The following DENND5B variants were observed in gnomAD, a reference collection of about 807,000 sequenced individuals.
DENND5B encodes the protein DENN domain containing 5B.
A neutral mutation model predicts 140.6 loss-of-function variants in DENND5B; 34 were observed. That is an observed-to-expected ratio of 0.24 (90% CI 0.18 to 0.32). The LOEUF (loss-of-function observed/expected upper bound fraction) is 0.32, where lower values mean the gene tolerates loss of function less well. Among genes scored for constraint, DENND5B ranks in the 10% least tolerant of loss-of-function variants. The pLI is 1.00. For missense variants in DENND5B, 1,142 were observed against 1,560.2 expected (o/e 0.73, Z 4.52); for synonymous variants, 551 against 562.1 (o/e 0.98, Z 0.28).
intron 4 of DENND5B, among the ~76,000 whole-genome samples, chr12:31,453,524 T>C (rs1944632874): frequency 6.6e-6 from 1 of 152,160 alleles, no homozygotes; most frequent in African/African-American, 2.4e-5. Flanking sequence ...AAAAAGAAGG[T>C]TGTGTTTCTA....
intron 17 of DENND5B, among the ~76,000 whole-genome samples, chr12:31,397,549 CAAAAAAAAA>C (rs1223481557): frequency 5.9e-4 from 29 of 49,322 alleles, no homozygotes; most frequent in African/African-American, 2.4e-3. Context: ...TTCCATCTCA[CAAAAAAAAA>C]AAAAAAAAAA....
chr12:31,557,122 G>A (rs569633207), intron 1 of DENND5B, among the ~76,000 whole-genome samples: 1 of 152,122 alleles, frequency 6.6e-6, no homozygotes, highest in Non-Finnish European at 1.5e-5. Flanking sequence ...AACAGGTTAA[G>A]ACAGCATCCA....
At chr12:31,572,557 A>C (rs1033326428) in intron 1 of DENND5B, among the ~76,000 whole-genome samples, 2 of 132,042 alleles carry the variant, frequency 1.5e-5, no homozygotes, top group African/African-American at 5.4e-5. Flanking sequence ...AAAAAAAAAA[A>C]AAACTCACGA....
chr12:31,553,507 T>C (rs1949153584), intron 1 of DENND5B, among the ~76,000 whole-genome samples: 1 of 152,296 alleles, frequency 6.6e-6, no homozygotes, highest in East Asian at 1.9e-4. Flanking sequence ...TTGGAGTAGG[T>C]GTGGTGTGGT....
At chr12:31,499,376 T>C (rs933094811) in intron 1 of DENND5B, among the ~76,000 whole-genome samples, 3 of 152,190 alleles carry the variant, frequency 2.0e-5, no homozygotes, top group African/African-American at 7.2e-5. Context: ...CCTAAGAAAG[T>C]AGGAAATATC....
At chr12:31,464,360 G>C (rs971833264) in intron 3 of DENND5B, among the ~76,000 whole-genome samples, 4 of 152,062 alleles carry the variant, frequency 2.6e-5, no homozygotes, top group Admixed American at 2.6e-4. Context: ...TCAGGCAATT[G>C]CTTCTTTGGA....
At chr12:31,554,118 G>A (rs911639500) in intron 1 of DENND5B, among the ~76,000 whole-genome samples, 1 of 152,148 alleles carries the variant, frequency 6.6e-6, no homozygotes, top group Non-Finnish European at 1.5e-5. Context: ...GATGTTAGAT[G>A]GTTATTTTGC....
At position 31,579,973 on chromosome 12, in the gene DENND5B, A is replaced by AT. The variant is rs947444476; in HGVS notation, c.127+10732_127+10733insA. On this transcript the variant is annotated intron_variant, in intron 1 of 20. Coordinates refer to ENST00000389082, the MANE Select transcript of DENND5B (RefSeq NM_144973.4). ...AGTATAAACAGAAAAAAATATATATAAAAAAATATATATATAGGATTAAAC... is the reference window on the plus strand; with the variant it reads ...AGTATAAACAGAAAAAAATATATATATAAAAAATATATATATAGGATTAAAC... 2.4e-4 allele frequency among the ~76,000 whole-genome samples: 27 copies of AT among 111,512 alleles called. 1 individual carries two copies. Among genetic ancestry groups the AT allele is most frequent in the Non-Finnish European group, 8.8e-5 (4 of 45,362 alleles). The allele number at this position is 111,512 out of a possible 152,430, so 73.2% of individuals were successfully genotyped here. A position where few individuals can be genotyped will look rare whatever the true frequency, so the allele number is the denominator to read the frequency against.
intron 16 of DENND5B, among the ~76,000 whole-genome samples, chr12:31,399,139 AAAAAAAGAGAGAGAAAG>A (rs1941650233): frequency 1.4e-5 from 2 of 141,180 alleles, no homozygotes; most frequent in East Asian, 2.0e-4. Context: ...AAAAAAAAAA[AAAAAAAGAGAGAGAAAG>A]AAAAAAAAAA....
At chr12:31,484,357 A>G (rs1946204133) in intron 2 of DENND5B, among the ~76,000 whole-genome samples, 1 of 152,144 alleles carries the variant, frequency 6.6e-6, no homozygotes, top group Non-Finnish European at 1.5e-5. Flanking sequence ...AATTGAGAGT[A>G]ATCACTGAAG....
At chr12:31,400,753 T>C (rs1257043443) in intron 15 of DENND5B, among the ~76,000 whole-genome samples, 1 of 152,208 alleles carries the variant, frequency 6.6e-6, no homozygotes, top group Non-Finnish European at 1.5e-5. Context: ...TACAGTTAAA[T>C]TATTGTTGAC....
At chr12:31,579,582 A>G (rs1950141486) in intron 1 of DENND5B, among the ~76,000 whole-genome samples, 1 of 151,886 alleles carries the variant, frequency 6.6e-6, no homozygotes, top group Non-Finnish European at 1.5e-5. Flanking sequence ...AATCACTTGA[A>G]CCCAGGAGGC....
intron 1 of DENND5B, among the ~76,000 whole-genome samples, chr12:31,509,894 T>A (rs762717124): frequency 1.3e-5 from 2 of 152,068 alleles, no homozygotes; most frequent in Admixed American, 6.5e-5. Flanking sequence ...CTTGGGAAAA[T>A]CAACGTGAAC....
At chr12:31,466,114 G>C (rs902605468) in intron 3 of DENND5B, among the ~76,000 whole-genome samples, 2 of 152,194 alleles carry the variant, frequency 1.3e-5, no homozygotes, top group Admixed American at 6.5e-5. Context: ...AAGCACTTTG[G>C]GAGGCCAAGG....
intron 1 of DENND5B, among the ~76,000 whole-genome samples, chr12:31,557,339 G>C (rs1949320464): frequency 6.6e-6 from 1 of 152,022 alleles, no homozygotes; most frequent in Non-Finnish European, 1.5e-5. Flanking sequence ...TCTATAAAAT[G>C]CATATCAGAA....
intron 7 of DENND5B, among the ~76,000 whole-genome samples, chr12:31,439,333 C>T (rs1943919908): frequency 6.6e-6 from 1 of 152,116 alleles, no homozygotes; most frequent in African/African-American, 2.4e-5. Context: ...AAATGGGAAA[C>T]CATAAGATTA....
chr12:31,436,908 G>C (rs537403564), intron 7 of DENND5B, among the ~76,000 whole-genome samples: 2 of 152,234 alleles, frequency 1.3e-5, no homozygotes, highest in South Asian at 4.1e-4. Context: ...TGTCCATGAA[G>C]TTTTCTCCCA....
chr12:31,510,465 G>A (rs777856560), intron 1 of DENND5B, among the ~76,000 whole-genome samples: 6 of 152,066 alleles, frequency 3.9e-5, no homozygotes, highest in African/African-American at 1.4e-4. Context: ...ACAGGCGCCC[G>A]CCACCACACC....
intron 1 of DENND5B, among the ~76,000 whole-genome samples, chr12:31,529,530 A>G (rs1458730445): frequency 1.3e-5 from 2 of 151,976 alleles, no homozygotes; most frequent in African/African-American, 2.4e-5. Flanking sequence ...TTCAACAGCC[A>G]TCACTCAAGA....
Sources: allele counts gnomAD v4.1 joint callset (sites outside exome capture counted in the v4.1 genomes callset), GRCh38; gene constraint gnomAD v4.1.1; transcripts MANE v1.5; gene names NCBI Gene and HGNC (gene_info 2026-07-23, HGNC 2026-07-21).